AGMO: variants seen among roughly 807,000 people sequenced by gnomAD.
AGMO encodes the protein alkylglycerol monooxygenase, also known as glyceryl-ether monooxygenase.
Under a neutral mutation model 60.2 loss-of-function variants are expected in AGMO, and 75 were observed. The observed-to-expected ratio is 1.25, with a 90% CI of 1.03 to 1.51. The LOEUF (loss-of-function observed/expected upper bound fraction) is 1.51, where lower values mean the gene tolerates loss of function less well. Among genes scored for constraint, AGMO ranks in the 40% most tolerant of loss-of-function variants. The pLI is 0.00. For missense variants in AGMO, 763 were observed against 525.5 expected, an observed-to-expected ratio of 1.45 and a Z score of -4.42; for synonymous variants, 261 against 177.1, an observed-to-expected ratio of 1.47 and a Z score of -3.76.
At chr7:15,447,291 T>A (rs774547084) in intron 3 of AGMO, among the ~76,000 whole-genome samples, 1 of 152,182 alleles carries the variant, frequency 6.6e-6, no homozygotes, top group Admixed American at 6.5e-5. Context: ...TAATAGCAAT[T>A]GTCAGTATGC....
chr7:15,244,952 A>G (rs1369753434), intron 12 of AGMO, among the ~76,000 whole-genome samples: 1 of 152,116 alleles, frequency 6.6e-6, no homozygotes, highest in Non-Finnish European at 1.5e-5. Context: ...ACGCCCGGCC[A>G]GTATTTACTC....
At chr7:15,293,226 T>TA (rs1462729309) in intron 12 of AGMO, among the ~76,000 whole-genome samples, 3 of 152,148 alleles carry the variant, frequency 2.0e-5, no homozygotes, top group African/African-American at 7.2e-5. Context: ...TCTGGCCGCT[T>TA]ATATCCCTGT....
intron 12 of AGMO, among the ~76,000 whole-genome samples, chr7:15,356,929 G>T (rs1160350669): frequency 8.6e-6 from 1 of 116,166 alleles, no homozygotes; most frequent in South Asian, 2.7e-4. Flanking sequence ...CCAACATGGC[G>T]AAATCCCCTC....
chr7:15,158,040 C>T, the AGMO span, among the ~76,000 whole-genome samples: 15 of 151,826 alleles, frequency 9.9e-5, no homozygotes, highest in African/African-American at 2.2e-4. Flanking sequence ...TTCTTTTATC[C>T]GTAAAAATAT....
intron 12 of AGMO, among the ~76,000 whole-genome samples, chr7:15,359,565 A>T (rs1403892557): frequency 6.6e-6 from 1 of 152,164 alleles, no homozygotes; most frequent in Non-Finnish European, 1.5e-5. Flanking sequence ...AGCAGTTCTT[A>T]AATATGAGTC....
intron 12 of AGMO, among the ~76,000 whole-genome samples, chr7:15,216,405 T>C (rs1781739161): frequency 6.6e-6 from 1 of 152,112 alleles, no homozygotes; most frequent in Admixed American, 6.6e-5. Flanking sequence ...ATGTTTTTTT[T>C]GTAAACTGTA....
the AGMO span, among the ~76,000 whole-genome samples, chr7:15,133,930 G>A: frequency 3.3e-5 from 5 of 152,144 alleles, no homozygotes; most frequent in African/African-American, 1.2e-4. Context: ...CAAATATACT[G>A]TTTCTGACAA....
At chr7:15,553,552 A>G (rs912849133) in intron 2 of AGMO, among the ~76,000 whole-genome samples, 1 of 151,846 alleles carries the variant, frequency 6.6e-6, no homozygotes, top group Non-Finnish European at 1.5e-5. Context: ...TAAACAGGGC[A>G]AATGCCACCA....
intron 12 of AGMO, among the ~76,000 whole-genome samples, chr7:15,307,123 G>T (rs1040247190): frequency 3.9e-5 from 6 of 151,958 alleles, no homozygotes; most frequent in African/African-American, 1.4e-4. Context: ...TAATGATGAT[G>T]ACATTCATAT....
chr7:15,154,708 G>A, the AGMO span, among the ~76,000 whole-genome samples: 3,838 of 152,278 alleles, frequency 0.025, 76 homozygotes, highest in South Asian at 0.042. Context: ...GGTGAGCTAT[G>A]TACTAGGCCA....
intron 3 of AGMO, among the ~76,000 whole-genome samples, chr7:15,510,529 TATATATATCTATATATATC>T (rs983869390): frequency 4.8e-4 from 34 of 71,022 alleles, no homozygotes; most frequent in African/African-American, 1.5e-3. Context: ...GATGCTGTCA[TATATATATCTATATATATC>T]ATATATATAT....
In AGMO at chr7:15,354,777, CCA is replaced by C. The variant is rs1291760724; in HGVS notation, c.1263+10735_1263+10736del. Among the ~76,000 whole-genome samples the C allele has an allele frequency of 6.6e-5, 10 of 150,832 alleles. No homozygotes were observed. The South Asian group carries it at 2.1e-3, about 32-fold the overall frequency. ...TATCAAAGAGGATCTGCTAATAACCCCAGTGTTTACGTTTTACGCTATTCCCT... is the reference window on the plus strand; with the variant it reads ...TATCAAAGAGGATCTGCTAATAACCCGTGTTTACGTTTTACGCTATTCCCT... On this transcript the variant is annotated intron_variant, in intron 12 of 12. Coordinates refer to ENST00000342526, the MANE Select transcript of AGMO (RefSeq NM_001004320.2).
chr7:15,275,990 T>C (rs1783775079), intron 12 of AGMO, among the ~76,000 whole-genome samples: 1 of 152,208 alleles, frequency 6.6e-6, no homozygotes, highest in African/African-American at 2.4e-5. Flanking sequence ...TTTGCCACTG[T>C]GTATCTTTTA....
intron 12 of AGMO, among the ~76,000 whole-genome samples, chr7:15,360,962 A>G (rs1440146605): frequency 6.6e-6 from 1 of 152,222 alleles, no homozygotes; most frequent in Non-Finnish European, 1.5e-5. Flanking sequence ...AGAAATAAGC[A>G]GGCAAAATAA....
chr7:15,135,979 C>CTTTTTTTTTTTTTTTTTTTTTTTTTT, the AGMO span, among the ~76,000 whole-genome samples: 79 of 106,844 alleles, frequency 7.4e-4, no homozygotes, highest in Non-Finnish European at 8.3e-4. Flanking sequence ...TTTTTCTTTT[C>CTTTTTTTTTTTTTTTTTTTTTTTTTT]TTTTTTTTTT....
chr7:15,472,615 C>T (rs764425704), intron 3 of AGMO, among the ~76,000 whole-genome samples: 12 of 151,814 alleles, frequency 7.9e-5, no homozygotes, highest in African/African-American at 2.7e-4. Flanking sequence ...AAGAATTAAA[C>T]GTCACAGTTA....
At chr7:15,365,781 G>C (rs561426190) in intron 11 of AGMO, among the ~76,000 whole-genome samples, 162 bp from the exon 12 acceptor site, 3 of 151,988 alleles carry the variant, frequency 2.0e-5, no homozygotes, top group African/African-American at 4.8e-5. Flanking sequence ...GATTAAGAAA[G>C]AACACTCATC....
intron 12 of AGMO, among the ~76,000 whole-genome samples, chr7:15,234,850 A>C (rs938651514): frequency 6.6e-6 from 1 of 152,196 alleles, no homozygotes; most frequent in Non-Finnish European, 1.5e-5. Flanking sequence ...TAACATGTAA[A>C]AAGTGTTCTT....
At chr7:15,145,195 A>C in the AGMO span, among the ~76,000 whole-genome samples, 1 of 152,184 alleles carries the variant, frequency 6.6e-6, no homozygotes, top group South Asian at 2.1e-4. Context: ...CTTTTGAAAA[A>C]AGATGAGGTA....
Sources: gnomAD v4.1 joint callset for allele counts (sites outside exome capture counted in the v4.1 genomes callset) on GRCh38, gnomAD v4.1.1 for gene constraint, MANE v1.5 for transcripts, NCBI Gene and HGNC (gene_info 2026-07-23, HGNC 2026-07-21) for gene names.